The following TNS3 variants were observed in gnomAD, a reference collection of about 807,000 sequenced individuals.
TNS3 encodes the protein tensin 3.
TNS3 carries 45 observed loss-of-function variants against 140.9 expected under a neutral mutation model. That is an observed-to-expected ratio of 0.32 (90% CI 0.25 to 0.41). TNS3 has a LOEUF of 0.41. TNS3 is among the 10% of genes least tolerant of loss of function. TNS3 has a pLI of 1.00. For synonymous variants in TNS3, 815 were observed against 788.4 expected (o/e 1.03, Z -0.56); for missense variants, 1,716 against 1,906.7 (o/e 0.90, Z 1.86).
intron 28 of TNS3, among the ~76,000 whole-genome samples, chr7:47,280,955 G>A (rs948706986): frequency 6.6e-6 from 1 of 151,894 alleles, no homozygotes; most frequent in African/African-American, 2.4e-5. Context: ...CTGGTAGGGT[G>A]TGAGATGGAC....
intron 20 of TNS3, among the ~76,000 whole-genome samples, chr7:47,315,834 G>A (rs1025226544): frequency 3.3e-5 from 5 of 152,108 alleles, no homozygotes; most frequent in African/African-American, 7.2e-5. Context: ...CCAATTTCCC[G>A]TGTTCCTGAT....
chr7:47,285,437 G>A (rs1042139119), intron 27 of TNS3, among the ~76,000 whole-genome samples: 5 of 152,116 alleles, frequency 3.3e-5, no homozygotes, highest in African/African-American at 9.7e-5. Flanking sequence ...TAAGTCTCAC[G>A]AGATCTGATG....
intron 20 of TNS3, among the ~76,000 whole-genome samples, chr7:47,327,932 G>A (rs936120233): frequency 2.6e-5 from 4 of 152,200 alleles, no homozygotes; most frequent in Non-Finnish European, 4.4e-5. Flanking sequence ...GACACCAGGC[G>A]TGTAGGGACT....
At chr7:47,427,429 T>G (rs1794715759) in intron 9 of TNS3, among the ~76,000 whole-genome samples, 1 of 152,218 alleles carries the variant, frequency 6.6e-6, no homozygotes, top group Non-Finnish European at 1.5e-5. Context: ...TCGGCTGATA[T>G]GAATAGGCTT....
chr7:47,437,806 A>AT (rs1562741209), intron 6 of TNS3, among the ~76,000 whole-genome samples: 1 of 77,304 alleles, frequency 1.3e-5, no homozygotes, highest in Non-Finnish European at 3.5e-5. Context: ...TATAATATAA[A>AT]ATATATATAC....
chr7:47,398,662 G>A (rs937145190), intron 15 of TNS3, among the ~76,000 whole-genome samples: 1 of 152,138 alleles, frequency 6.6e-6, no homozygotes, highest in Non-Finnish European at 1.5e-5. Context: ...AGGCATAGAA[G>A]GGACTTACCT....
chr7:47,315,800 C>T (rs895161813), intron 20 of TNS3, among the ~76,000 whole-genome samples: 1 of 152,166 alleles, frequency 6.6e-6, no homozygotes, highest in Admixed American at 6.5e-5. Context: ...ACATTAAAAA[C>T]AAAATCAGCA....
chr7:47,411,922 G>T, intron 12 of TNS3, 120 bp from the exon 13 acceptor site: 1 of 883,502 alleles, frequency 1.1e-6, no homozygotes. Context: ...TGCCCAATCA[G>T]CCCAGAATCT....
chr7:47,454,460 GT>G (rs1796162101), intron 4 of TNS3, among the ~76,000 whole-genome samples: 1 of 152,186 alleles, frequency 6.6e-6, no homozygotes, highest in Admixed American at 6.5e-5. Flanking sequence ...CAGGATCTCT[GT>G]GGGGACTAAG....
intron 20 of TNS3, among the ~76,000 whole-genome samples, chr7:47,319,122 T>C (rs1348968562): frequency 6.6e-6 from 1 of 152,194 alleles, no homozygotes; most frequent in African/African-American, 2.4e-5. Flanking sequence ...ACAACCACTG[T>C]CTGAGTCCAT....
chr7:47,320,506 G>A (rs186691844), intron 20 of TNS3, among the ~76,000 whole-genome samples: 2 of 152,346 alleles, frequency 1.3e-5, no homozygotes, highest in Non-Finnish European at 2.9e-5. Context: ...GCAGCTGGAA[G>A]TCCAAGATCA....
rs1460956758 is a variant in TNS3, at chr7:47,293,803, G to T, written c.3702C>A (p.Val1234=). 2.5e-6 allele frequency: 4 copies of T among 1,614,150 alleles called. No homozygotes were observed. The highest frequency in any genetic ancestry group is 3.4e-6 in the Non-Finnish European group (4 of 1,180,034). Residue 1234 remains valine (V), a synonymous_variant, in exon 25 of 31, where the codon GTC becomes GTA. Transcript: ENST00000311160. The part of the protein sequence containing the change: ...KKAGDLANEL[V]RHFLIECTPK... ...GGGTACACTCGATCAAAAAGTGCCG[G>T]ACGAGTTCATTGGCCAAATCTCCAG...
intron 1 of TNS3, among the ~76,000 whole-genome samples, chr7:47,572,077 T>C (rs1424514865): frequency 6.6e-6 from 1 of 152,104 alleles, no homozygotes; most frequent in Non-Finnish European, 1.5e-5. Flanking sequence ...TGCAGAGACC[T>C]CCCCATGGGC....
At chr7:47,577,682 G>T (rs1038947832) in intron 1 of TNS3, among the ~76,000 whole-genome samples, 6 of 152,208 alleles carry the variant, frequency 3.9e-5, no homozygotes, top group African/African-American at 1.4e-4. Flanking sequence ...TACATGCACG[G>T]TTCAGCAACG....
chr7:47,541,948 CAAA>C (rs11314197), intron 1 of TNS3, among the ~76,000 whole-genome samples: 1 of 130,962 alleles, frequency 7.6e-6, no homozygotes. Flanking sequence ...GACTCCATCT[CAAA>C]AAAAAAAAAG....
chr7:47,535,028 T>C (rs1799551379), intron 1 of TNS3, among the ~76,000 whole-genome samples: 1 of 152,246 alleles, frequency 6.6e-6, no homozygotes, highest in African/African-American at 2.4e-5. Flanking sequence ...ATGCAGCAGC[T>C]GGTACGTACT....
chr7:47,481,797 C>T, intron 3 of TNS3: 22 of 713,006 alleles, frequency 3.1e-5, no homozygotes, highest in Non-Finnish European at 3.6e-5. Context: ...CAGTTAGTAA[C>T]AGGCACAGGG....
chr7:47,351,809 T>G (rs1030558545), intron 17 of TNS3, among the ~76,000 whole-genome samples: 2 of 152,198 alleles, frequency 1.3e-5, no homozygotes, highest in East Asian at 1.9e-4. Flanking sequence ...AACGGGCTCC[T>G]GTCCGTGAAG....
chr7:47,546,152 G>A (rs555669482), intron 1 of TNS3, among the ~76,000 whole-genome samples: 2 of 152,280 alleles, frequency 1.3e-5, no homozygotes, highest in African/African-American at 4.8e-5. Context: ...CACTGCCTGC[G>A]GGTTTATTAT....
Sources: allele counts gnomAD v4.1 joint callset (sites outside exome capture counted in the v4.1 genomes callset), GRCh38; gene constraint gnomAD v4.1.1; transcripts MANE v1.5; gene names NCBI Gene and HGNC (gene_info 2026-07-23, HGNC 2026-07-21).